Variants in MAL2 observed in about 807,000 individuals in gnomAD.
The protein encoded by MAL2 is protein MAL2.
In MAL2, 17 loss-of-function variants were observed where a neutral mutation model predicts 18.1. The ratio of observed to expected loss-of-function variants is 0.94; its 90% CI spans 0.64 to 1.41. MAL2 has a LOEUF of 1.41. Ranked by LOEUF, MAL2 falls within the 40% of genes most tolerant of loss-of-function variation. MAL2 has a pLI of 0.00. For missense variants in MAL2, 222 were observed against 231.9 expected, an observed-to-expected ratio of 0.96 and a Z score of 0.28; for synonymous variants, 102 against 102.3, an observed-to-expected ratio of 1.00 and a Z score of 0.02.
chr8:119,222,360 C>A (rs968705590), intron 2 of MAL2, among the ~76,000 whole-genome samples: 1 of 151,784 alleles, frequency 6.6e-6, no homozygotes, highest in African/African-American at 2.4e-5. Flanking sequence ...GACACCCCGT[C>A]TCTACTAAAA....
intron 1 of MAL2, among the ~76,000 whole-genome samples, chr8:119,219,552 TGTGA>T (rs1362485826): frequency 1.8e-3 from 236 of 128,510 alleles, no homozygotes; most frequent in African/African-American, 7.1e-3. Flanking sequence ...TGTGTGTGTG[TGTGA>T]GAGAGAGAGA....
chr8:119,217,542 T>G (rs1230043944), intron 1 of MAL2, among the ~76,000 whole-genome samples: 2 of 152,176 alleles, frequency 1.3e-5, no homozygotes, highest in African/African-American at 2.4e-5. Flanking sequence ...CAAATTGAGG[T>G]GCCTTTGGCT....
chr8:119,219,314 A>G (rs1817419047), intron 1 of MAL2, among the ~76,000 whole-genome samples: 2 of 152,208 alleles, frequency 1.3e-5, no homozygotes, highest in African/African-American at 4.8e-5. Context: ...AACAAATTAT[A>G]TGATTGGGCC....
chr8:119,237,387 G>T (rs1383907712), intron 2 of MAL2, among the ~76,000 whole-genome samples: 1 of 151,642 alleles, frequency 6.6e-6, no homozygotes, highest in East Asian at 1.9e-4. Context: ...CATTCCTTCT[G>T]CAACTATTCC....
chr8:119,226,820 A>G (rs1817606180), intron 2 of MAL2, among the ~76,000 whole-genome samples: 1 of 152,134 alleles, frequency 6.6e-6, no homozygotes, highest in Non-Finnish European at 1.5e-5. Flanking sequence ...TGGGAGTAGG[A>G]CTCAGCTGTC....
At chr8:119,241,628 G>A (rs1403257847) in intron 3 of MAL2, among the ~76,000 whole-genome samples, 1 of 152,076 alleles carries the variant, frequency 6.6e-6, no homozygotes, top group Non-Finnish European at 1.5e-5. Context: ...CAAGACAAAT[G>A]ATTTCAAGAC....
At chr8:119,240,376 G>C (rs1818023865) in intron 3 of MAL2, 56 bp downstream of exon 3, 1 of 1,566,394 alleles carries the variant, frequency 6.4e-7, no homozygotes, top group Admixed American at 1.8e-5. Context: ...CCACTGTCAA[G>C]GCCTCCAAGA....
chr8:119,229,695 T>C (rs1817673101), intron 2 of MAL2, among the ~76,000 whole-genome samples: 2 of 152,194 alleles, frequency 1.3e-5, no homozygotes, highest in Admixed American at 6.5e-5. Flanking sequence ...CCCTAACCAC[T>C]GTCTTTCAAA....
At chr8:119,214,406 T>G (rs963575918) in intron 1 of MAL2, among the ~76,000 whole-genome samples, 2 of 152,122 alleles carry the variant, frequency 1.3e-5, no homozygotes, top group African/African-American at 4.8e-5. Context: ...ATAGACAACA[T>G]ATATAACAAT....
intron 2 of MAL2, among the ~76,000 whole-genome samples, chr8:119,237,404 T>C (rs1817931331): frequency 6.6e-6 from 1 of 151,398 alleles, no homozygotes; most frequent in Non-Finnish European, 1.5e-5. Context: ...TTCCAATCAA[T>C]AGAAAAAGAG....
chr8:119,223,045 A>C (rs1817502566), intron 2 of MAL2, among the ~76,000 whole-genome samples: 1 of 152,162 alleles, frequency 6.6e-6, no homozygotes, highest in Non-Finnish European at 1.5e-5. Context: ...TGGTGTTTAG[A>C]AGCTTACATC....
chr8:119,232,091 A>G (rs925861195), intron 2 of MAL2, among the ~76,000 whole-genome samples: 1 of 148,442 alleles, frequency 6.7e-6, no homozygotes, highest in Non-Finnish European at 1.5e-5. Context: ...TAATTTTGGG[A>G]GGTTTTATAT....
At chr8:119,210,282 A>T (rs765376352) in intron 1 of MAL2, among the ~76,000 whole-genome samples, 13 of 152,304 alleles carry the variant, frequency 8.5e-5, no homozygotes, top group Admixed American at 3.9e-4. Flanking sequence ...ATATGCAAAG[A>T]AGGCTTATCC....
chr8:119,230,016 T>G (rs1025340376), intron 2 of MAL2, among the ~76,000 whole-genome samples: 3 of 152,140 alleles, frequency 2.0e-5, no homozygotes, highest in Non-Finnish European at 4.4e-5. Context: ...ACCCACCTGA[T>G]TTTTTGAGTT....
At chr8:119,228,750 C>A (rs1817647876) in intron 2 of MAL2, among the ~76,000 whole-genome samples, 1 of 152,138 alleles carries the variant, frequency 6.6e-6, no homozygotes. Context: ...ATTCATAAAT[C>A]CTCGATGCCC....
Position 119,208,378 on chromosome 8 carries a change from G to C in MAL2, c.-95G>C. 2 of 666,302 alleles carry C rather than the reference G, an allele frequency of 3.0e-6. No individual in the cohort carries two copies. The highest frequency in any genetic ancestry group is 1.3e-4 in the South Asian group (2 of 15,748). 41.3% of individuals were successfully genotyped at this position (666,302 alleles called of 1,614,324 possible). On this transcript the variant is annotated 5_prime_UTR_variant, in exon 1 of 4. Transcript: ENST00000614891. This position sits in a 1 kb window ranked among gnomAD's most constrained non-coding sequence, Gnocchi z 4.3. Reference sequence around the variant, plus strand: ...CCCGCGCGGCGCGCCCGGAGCCCGCGGAGCTGAGCGGCGGCGGCGGCGGCG... The same window carrying C: ...CCCGCGCGGCGCGCCCGGAGCCCGCCGAGCTGAGCGGCGGCGGCGGCGGCG...
At chr8:119,235,135 C>A (rs1487508246) in intron 2 of MAL2, among the ~76,000 whole-genome samples, 3 of 152,020 alleles carry the variant, frequency 2.0e-5, no homozygotes, top group Admixed American at 2.0e-4. Flanking sequence ...GAGCTGAAAA[C>A]CAAGGCTCGA....
At position 119,244,459 on chromosome 8, in the gene MAL2, A is replaced by G. The variant is rs1196419728; in HGVS notation, c.*971A>G. 6.6e-6 allele frequency: 1 copy of G among 152,152 alleles called. No individual in the cohort carries two copies. The highest frequency in any genetic ancestry group is 1.9e-4 in the East Asian group (1 of 5,178). The allele number at this position is 152,152 out of a possible 1,614,324, so 9.4% of individuals were successfully genotyped here. A position where few individuals can be genotyped will look rare whatever the true frequency, so the allele number is the denominator to read the frequency against. ...TGGGATCCCCAGAGACCATTAACCA[A>G]TACTGGAACTGGTATCTAGCTACTG... On this transcript the variant is annotated 3_prime_UTR_variant, in exon 4 of 4. Coordinates refer to ENST00000614891, the MANE Select transcript of MAL2 (RefSeq NM_052886.3).
In MAL2 at chr8:119,218,731, C is replaced by T. The variant is rs76569233; in HGVS notation, c.133-2856C>T. 4.8e-3 allele frequency among the ~76,000 whole-genome samples: 737 copies of T among 152,234 alleles called. 3 individuals carry two copies. Among genetic ancestry groups the T allele is most frequent in the African/African-American group, 0.017 (720 of 41,524 alleles). ...GGTTTAGTAAATGCTGTGTTGAATT[C>T]CAAAGGATCATATAGCCTCCTCTTT... On this transcript the variant is annotated intron_variant, in intron 1 of 3. Coordinates refer to ENST00000614891, the MANE Select transcript of MAL2 (RefSeq NM_052886.3).
Sources: gnomAD v4.1 joint callset for allele counts (sites outside exome capture counted in the v4.1 genomes callset) on GRCh38, gnomAD v4.1.1 for gene constraint, Gnocchi (gnomAD v3.1) non-coding constraint, MANE v1.5 for transcripts, NCBI Gene and HGNC (gene_info 2026-07-23, HGNC 2026-07-21) for gene names.